ZNF92: variants seen among roughly 807,000 people sequenced by gnomAD.
The protein encoded by ZNF92 is zinc finger protein 92.
A neutral mutation model predicts 12.4 loss-of-function variants in ZNF92; 11 were observed. That is an observed-to-expected ratio of 0.89 (90% confidence interval 0.56 to 1.47). The LOEUF (loss-of-function observed/expected upper bound fraction) is 1.47, where lower values mean the gene tolerates loss of function less well. Among genes scored for constraint, ZNF92 ranks in the 40% most tolerant of loss-of-function variants. The pLI is 0.00. For missense variants in ZNF92, 622 were observed against 681.0 expected, an observed-to-expected ratio of 0.91 and a Z score of 0.96; for synonymous variants, 206 against 228.6, an observed-to-expected ratio of 0.90 and a Z score of 0.89.
At chr7:65,375,921 T>C (rs754497543) in intron 1 of ZNF92, among the ~76,000 whole-genome samples, 1 of 152,016 alleles carries the variant, frequency 6.6e-6, no homozygotes, top group Non-Finnish European at 1.5e-5. Context: ...TAGTGTCTTC[T>C]GAGAGGGTGG....
chr7:65,374,152 T>C (rs1793172311), intron 1 of ZNF92, 152 bp downstream of exon 1: 2 of 1,117,056 alleles, frequency 1.8e-6, no homozygotes, highest in South Asian at 2.9e-5. Flanking sequence ...TCAGTCTCCT[T>C]CAGCCATAAG....
chr7:65,380,347 A>G (rs1043143156), intron 1 of ZNF92, among the ~76,000 whole-genome samples: 30 of 152,044 alleles, frequency 2.0e-4, no homozygotes, highest in Admixed American at 9.2e-4. Flanking sequence ...TGCAGCCTCA[A>G]TCTCAATCTC....
chr7:65,375,313 T>C (rs1439772989), intron 1 of ZNF92, among the ~76,000 whole-genome samples: 2 of 152,066 alleles, frequency 1.3e-5, no homozygotes, highest in Admixed American at 6.6e-5. Flanking sequence ...GCAATGTCGC[T>C]AGAGTGTCTA....
intron 1 of ZNF92, among the ~76,000 whole-genome samples, chr7:65,379,755 A>G (rs1011367620): frequency 6.6e-6 from 1 of 152,102 alleles, no homozygotes; most frequent in African/African-American, 2.4e-5. Flanking sequence ...CCACCTGTTC[A>G]TAATCTCATC....
chr7:65,388,744 T>TA, intron 2 of ZNF92, 62 bp from the exon 3 acceptor site: 1 of 1,372,368 alleles, frequency 7.3e-7, no homozygotes, highest in African/African-American at 1.5e-5. Flanking sequence ...ACTGAGCATA[T>TA]TACTATGTTG....
At chr7:65,383,797 A>C (rs1006834355) in intron 1 of ZNF92, among the ~76,000 whole-genome samples, 7 of 152,078 alleles carry the variant, frequency 4.6e-5, no homozygotes, top group Non-Finnish European at 1.5e-5. Context: ...TCTGTTTTCT[A>C]TTTAGAATCA....
In ZNF92 at chr7:65,388,841, C is replaced by G; in HGVS notation, c.166C>G (p.Leu56Val). The change falls in exon 3 of 4, where the codon CTG (leucine) becomes GTG (valine). Residue 56 changes from leucine to valine, a missense_variant. Physicochemically the swap from Leu to Val is conservative, Grantham distance 32. Coordinates refer to ENST00000328747, the MANE Select transcript of ZNF92 (RefSeq NM_152626.4). ...CTCTAAGCCAGACCTGATCACCTGG[C>G]TGGAGCAAGGAAAAGAGCCCTGGAA... is the stretch of plus-strand genomic sequence containing the variant. ...AVSKPDLITW[L>V]EQGKEPWNLK... The G allele has an allele frequency of 1.3e-6, 2 of 1,585,950 alleles. No individual in the cohort carries two copies. The highest frequency in any genetic ancestry group is 1.7e-6 in the Non-Finnish European group (2 of 1,163,600).
chr7:65,398,765 T>C lies in ZNF92; in HGVS notation c.651T>C (p.Thr217=). The part of the protein sequence containing the change: ...GKAFNWSSTL[T]KHKIIHTGEK... ...CCTTTAACTGGTCCTCAACCCTTAC[T>C]AAACATAAGATAATTCATACTGGAG... Residue 217 remains threonine (T), a synonymous_variant, in exon 4 of 4, where the codon ACT becomes ACC. Coordinates refer to ENST00000328747, the MANE Select transcript of ZNF92 (RefSeq NM_152626.4). 1 of 1,613,176 alleles carries C rather than the reference T, an allele frequency of 6.2e-7. No individual in the cohort carries two copies. The highest frequency in any genetic ancestry group is 8.5e-7 in the Non-Finnish European group (1 of 1,179,776).
Position 65,387,956 on chromosome 7 carries a change from T to C in ZNF92, c.58T>C (p.Cys20Arg). Reference protein sequence around the residue: ...KIEFSLEEWQCLDTAQRNLYR... With the variant: ...KIEFSLEEWQRLDTAQRNLYR... The stretch of plus-strand genomic sequence containing the variant: ...AGAATTCTCTCTAGAGGAATGGCAA[T>C]GCCTGGACACTGCGCAGCGGAATTT... The change falls in exon 2 of 4, where the codon TGC (cysteine) becomes CGC (arginine). Residue 20 changes from cysteine (C) to arginine (R), a missense_variant. Cys to Arg is a radical substitution (Grantham distance 180). Transcript: ENST00000328747. 6.2e-7 allele frequency: 1 copy of C among 1,608,342 alleles called. No individual in the cohort carries two copies. The highest frequency in any genetic ancestry group is 8.5e-7 in the Non-Finnish European group (1 of 1,177,936).
chr7:65,386,055 T>C (rs1244727575), intron 1 of ZNF92, among the ~76,000 whole-genome samples: 1 of 152,048 alleles, frequency 6.6e-6, no homozygotes, highest in Admixed American at 6.6e-5. Flanking sequence ...AATCTCACTC[T>C]GTCACCCAGG....
chr7:65,378,293 C>CA (rs56220414), intron 1 of ZNF92, among the ~76,000 whole-genome samples: 43,472 of 146,960 alleles, frequency 0.3, 7,217 homozygotes, highest in Middle Eastern at 0.42. Context: ...GACTCTGTCT[C>CA]AAAAAAAAAA....
chr7:65,383,220 TAC>T (rs1288294910), intron 1 of ZNF92, among the ~76,000 whole-genome samples: 3 of 152,242 alleles, frequency 2.0e-5, no homozygotes, highest in Middle Eastern at 3.4e-3. Context: ...ACTGTCTACT[TAC>T]ATTTGTGGTT....
In ZNF92 at chr7:65,398,841, A is replaced by C. The variant is rs1793921150; in HGVS notation, c.727A>C (p.Asn243His). The C allele has an allele frequency of 1.2e-6, 2 of 1,612,856 alleles. No homozygotes were observed. Among genetic ancestry groups the C allele is most frequent in the Non-Finnish European group, 1.7e-6 (2 of 1,179,768 alleles). ...TGGCAAAGCTTTTAACCGGTCCTCA[A>C]ATCTTACTAAACATAAAATAATTCA... Reference protein sequence around the residue: ...ECGKAFNRSSNLTKHKIIHTG... With the variant: ...ECGKAFNRSSHLTKHKIIHTG... The change falls in exon 4 of 4, where the codon AAT (asparagine) becomes CAT (histidine). Residue 243 changes from asparagine (N) to histidine (H), a missense_variant. Coordinates refer to ENST00000328747, the MANE Select transcript of ZNF92 (RefSeq NM_152626.4).
chr7:65,383,738 T>C (rs947902092), intron 1 of ZNF92, among the ~76,000 whole-genome samples: 3 of 152,158 alleles, frequency 2.0e-5, no homozygotes, highest in African/African-American at 7.2e-5. Context: ...ACCCAAAGAC[T>C]ACCTGATCAG....
At chr7:65,396,289 G>GT (rs1186411165) in intron 3 of ZNF92, among the ~76,000 whole-genome samples, 2 of 151,800 alleles carry the variant, frequency 1.3e-5, no homozygotes, top group African/African-American at 2.4e-5. Flanking sequence ...TTTTAGATAT[G>GT]TTTTTTCTCA....
At chr7:65,389,639 C>T (rs1793659935) in intron 3 of ZNF92, among the ~76,000 whole-genome samples, 1 of 151,620 alleles carries the variant, frequency 6.6e-6, no homozygotes, top group Non-Finnish European at 1.5e-5. Context: ...GCCTCAGCCT[C>T]CCGAGTAGCT....
At chr7:65,382,730 T>C (rs1451736378) in intron 1 of ZNF92, among the ~76,000 whole-genome samples, 2 of 152,108 alleles carry the variant, frequency 1.3e-5, no homozygotes, top group Non-Finnish European at 2.9e-5. Context: ...TTCCTTCTCT[T>C]TTTAAAATGC....
At chr7:65,386,164 C>T (rs866353980) in intron 1 of ZNF92, among the ~76,000 whole-genome samples, 85 of 152,138 alleles carry the variant, frequency 5.6e-4, no homozygotes, top group African/African-American at 1.9e-3. Flanking sequence ...GGATTACAGG[C>T]GCGTGCCACC....
intron 3 of ZNF92, among the ~76,000 whole-genome samples, chr7:65,392,463 C>T (rs1793740690): frequency 6.6e-6 from 1 of 151,028 alleles, no homozygotes; most frequent in Non-Finnish European, 1.5e-5. Flanking sequence ...CATTTCATTG[C>T]CAGGCATGGT....
Sources: gnomAD v4.1 joint callset for allele counts (sites outside exome capture counted in the v4.1 genomes callset) on GRCh38, gnomAD v4.1.1 for gene constraint, MANE v1.5 for transcripts, NCBI Gene and HGNC (gene_info 2026-07-23, HGNC 2026-07-21) for gene names.